The following SHCBP1 variants were observed in gnomAD, a reference collection of about 807,000 sequenced individuals.
SHCBP1 encodes the protein SHC SH2 domain-binding protein 1.
A neutral mutation model predicts 75.1 loss-of-function variants in SHCBP1; 60 were observed. That is an observed-to-expected ratio of 0.80 (90% confidence interval 0.65 to 0.99). SHCBP1 has a LOEUF of 0.99. Ranked by LOEUF, SHCBP1 falls within the 50% of genes least tolerant of loss-of-function variation. The pLI is 0.00. For missense variants in SHCBP1, 709 were observed against 809.4 expected, an observed-to-expected ratio of 0.88 and a Z score of 1.50; for synonymous variants, 290 against 293.2, an observed-to-expected ratio of 0.99 and a Z score of 0.11.
At chr16:46,595,437 AGAGATGACTGTCT>A in intron 10 of SHCBP1, 102 bp downstream of exon 10, 1 of 837,868 alleles carries the variant, frequency 1.2e-6, no homozygotes, top group Non-Finnish European at 2.0e-6. Flanking sequence ...CTGACTTGGT[AGAGATGACTGTCT>A]GAAGAGAGTG....
At position 46,579,257 on chromosome 16, in the gene SHCBP1, C is replaced by A. The variant is rs970032253; in HGVS notation, c.*2472G>T. Among the ~76,000 whole-genome samples the A allele has an allele frequency of 6.6e-6, 1 of 152,158 alleles. No individual in the cohort carries two copies. Among genetic ancestry groups the A allele is most frequent in the African/African-American group, 2.4e-5 (1 of 41,434 alleles). On this transcript the variant is annotated 3_prime_UTR_variant, in exon 13 of 13. Transcript: ENST00000303383. ...CAGTGTTTTCATCTCAAATATCAAA[C>A]CCATACCCCTCTAGGGCACTCCCTA...
In SHCBP1 at chr16:46,621,210, G is replaced by A. The variant is rs200763188; in HGVS notation, c.103+47C>T. ...GCCCTCCTAGGGTCCCGACGCCCCA[G>A]GCCTCCGCTCAGAGGCGGCTCCTCG... On this transcript the variant is annotated intron_variant, in intron 1 of 12. Transcript: ENST00000303383. The A allele has an allele frequency of 2.6e-6, 4 of 1,557,862 alleles. No individual in the cohort carries two copies. In the Admixed American group the frequency reaches 6.9e-5, roughly 27 times the overall value.
At chr16:46,615,633 G>A (rs754920174) in intron 4 of SHCBP1, among the ~76,000 whole-genome samples, 1 of 152,034 alleles carries the variant, frequency 6.6e-6, no homozygotes, top group Non-Finnish European at 1.5e-5. Context: ...CCAGCTACTC[G>A]AGAGGCTGAG....
At chr16:46,608,637 T>G (rs1965360714) in intron 4 of SHCBP1, among the ~76,000 whole-genome samples, 1 of 133,736 alleles carries the variant, frequency 7.5e-6, no homozygotes, top group Non-Finnish European at 1.5e-5. Context: ...ACAGTCTCAC[T>G]CTGTCTCTGG....
At chr16:46,617,833 G>A in intron 2 of SHCBP1, 84 bp from the exon 3 acceptor site, 1 of 1,026,600 alleles carries the variant, frequency 9.7e-7, no homozygotes, top group Admixed American at 1.8e-5. Flanking sequence ...GAAACAACTG[G>A]CAATCTGAGG....
rs148693310 is a variant in SHCBP1, at chr16:46,599,832, T to C, written c.1344A>G (p.Leu448=). 4.8e-5 allele frequency: 76 copies of C among 1,598,624 alleles called. No homozygotes were observed. Among genetic ancestry groups the C allele is most frequent in the Non-Finnish European group, 6.0e-5 (70 of 1,174,928 alleles). The part of the protein sequence containing the change: ...FVQHDAVEGI[L]IVHRGKTTLE... ...TATACCAAACATTCAGATACTTACT[T>C]AAGATTCCCTCTACAGCATCATGCT... Residue 448 remains leucine (L), a splice_region_variant and synonymous_variant, in exon 9 of 13, where the codon TTA becomes TTG. Transcript: ENST00000303383.
intron 4 of SHCBP1, among the ~76,000 whole-genome samples, chr16:46,613,277 A>C (rs1965447696): frequency 6.6e-6 from 1 of 152,204 alleles, no homozygotes; most frequent in African/African-American, 2.4e-5. Flanking sequence ...ATTGAATCAC[A>C]TGATTGCACC....
At chr16:46,613,678 C>T (rs1331522943) in intron 4 of SHCBP1, among the ~76,000 whole-genome samples, 1 of 152,224 alleles carries the variant, frequency 6.6e-6, no homozygotes, top group Non-Finnish European at 1.5e-5. Context: ...CTCTGTAATT[C>T]ATCACAGCAC....
rs537561610 is a variant in SHCBP1, at chr16:46,580,155, G to A, written c.*1574C>T. Among the ~76,000 whole-genome samples the A allele has an allele frequency of 4.7e-4, 70 of 148,946 alleles. No homozygotes were observed. Among genetic ancestry groups the A allele is most frequent in the Middle Eastern group, 7.1e-3 (2 of 280 alleles). The stretch of plus-strand genomic sequence containing the variant: ...AAAAAAAAAAGTGATTTTTTTTTAA[G>A]TTGAATAAATGGTTTTTATCTTAAG... On this transcript the variant is annotated 3_prime_UTR_variant, in exon 13 of 13. Transcript: ENST00000303383.
intron 1 of SHCBP1, chr16:46,620,698 G>GA (rs1051348551): frequency 2.5e-4 from 37 of 148,620 alleles, no homozygotes; most frequent in South Asian, 6.4e-4. Context: ...TAAAATATCA[G>GA]AAAAAAAAAA....
chr16:46,609,964 T>G (rs575052009), intron 4 of SHCBP1, among the ~76,000 whole-genome samples: 3 of 151,822 alleles, frequency 2.0e-5, no homozygotes, highest in Admixed American at 6.6e-5. Context: ...ATTTTTTTTT[T>G]TTTCAGATGG....
chr16:46,583,684 G>A (rs768533469), intron 11 of SHCBP1, 27 bp from the exon 12 acceptor site: 3 of 1,590,526 alleles, frequency 1.9e-6, no homozygotes, highest in East Asian at 4.5e-5. Flanking sequence ...AAATGTTTTA[G>A]GAACTGTCAT....
intron 12 of SHCBP1, 79 bp downstream of exon 12, chr16:46,583,437 G>A: frequency 7.0e-7 from 1 of 1,424,152 alleles, no homozygotes; most frequent in South Asian, 1.4e-5. Flanking sequence ...AGGAAGAGAG[G>A]AAGACTCAGA....
At position 46,621,369 on chromosome 16, in the gene SHCBP1, C is replaced by G. The variant is rs753993283; in HGVS notation, c.-10G>C. 6.2e-7 allele frequency: 1 copy of G among 1,610,068 alleles called. No homozygotes were observed. The highest frequency in any genetic ancestry group is 1.3e-5 in the African/African-American group (1 of 74,880). ...GCGACCCGTCAGCCATTTCAAATTT[C>G]CGCGGACGGCAGCCCAGGCAACGAC... On this transcript the variant is annotated 5_prime_UTR_variant, in exon 1 of 13. Transcript: ENST00000303383.
chr16:46,612,888 ATC>A, intron 4 of SHCBP1, among the ~76,000 whole-genome samples: 1 of 152,148 alleles, frequency 6.6e-6, no homozygotes, highest in Non-Finnish European at 1.5e-5. Flanking sequence ...ACATCTTCTC[ATC>A]TCTGATATCC....
chr16:46,615,887 A>T, intron 4 of SHCBP1, 59 bp downstream of exon 4: 166 of 1,276,176 alleles, frequency 1.3e-4, no homozygotes, highest in Non-Finnish European at 1.8e-4. Flanking sequence ...GACCAGAATT[A>T]CTTCATTTCA....
intron 4 of SHCBP1, among the ~76,000 whole-genome samples, chr16:46,613,813 G>A (rs1965455280): frequency 1.3e-5 from 2 of 152,116 alleles, no homozygotes; most frequent in Non-Finnish European, 2.9e-5. Flanking sequence ...CCCCATCCTT[G>A]ACTAAGGACC....
chr16:46,581,636 T>A lies in SHCBP1; in HGVS notation c.*93A>T, dbSNP rs1214478817. 8.7e-7 allele frequency: 1 copy of A among 1,154,690 alleles called. No individual in the cohort carries two copies. The highest frequency in any genetic ancestry group is 1.2e-6 in the Non-Finnish European group (1 of 805,720). The allele number at this position is 1,154,690 out of a possible 1,614,324, so 71.5% of individuals were successfully genotyped here. A position where few individuals can be genotyped will look rare whatever the true frequency, so the allele number is the denominator to read the frequency against. On this transcript the variant is annotated 3_prime_UTR_variant, in exon 13 of 13. Transcript: ENST00000303383. ...CAAGCCCAAATAATCAAATATAAAA[T>A]ACAGACAATACAGCAAACTACAATG... is the stretch of plus-strand genomic sequence containing the variant.
chr16:46,583,359 A>C (rs1160062571), intron 12 of SHCBP1, among the ~76,000 whole-genome samples, 157 bp downstream of exon 12: 2 of 152,234 alleles, frequency 1.3e-5, no homozygotes, highest in African/African-American at 4.8e-5. Context: ...ACAGTCTGTA[A>C]TGTTATGACT....
Sources: gnomAD v4.1 joint callset for allele counts (sites outside exome capture counted in the v4.1 genomes callset) on GRCh38, gnomAD v4.1.1 for gene constraint, MANE v1.5 for transcripts, NCBI Gene and HGNC (gene_info 2026-07-23, HGNC 2026-07-21) for gene names.